Variants in NSG1 observed in about 807,000 individuals in gnomAD.
NSG1 encodes the protein neuronal vesicle trafficking associated 1.
A neutral mutation model predicts 19.3 loss-of-function variants in NSG1; 9 were observed. That is an observed-to-expected ratio of 0.47 (90% CI 0.28 to 0.81). The LOEUF is 0.81. Ranked by LOEUF, NSG1 falls within the 40% of genes least tolerant of loss-of-function variation. The probability of loss-of-function intolerance (pLI) is 0.11; values close to 1 mark genes in which losing one functional copy is unlikely to be tolerated. For synonymous variants in NSG1, 104 were observed against 107.0 expected, an observed-to-expected ratio of 0.97 and a Z score of 0.17; for missense variants, 236 against 242.4, an observed-to-expected ratio of 0.97 and a Z score of 0.18.
chr4:4,401,216 T>C (rs1213417693), intron 3 of NSG1, among the ~76,000 whole-genome samples: 6 of 152,252 alleles, frequency 3.9e-5, no homozygotes, highest in Admixed American at 1.3e-4. Context: ...GACCCTGCTG[T>C]AATACACACA....
intron 3 of NSG1, among the ~76,000 whole-genome samples, chr4:4,392,723 G>A (rs1723062183): frequency 6.6e-6 from 1 of 152,172 alleles, no homozygotes; most frequent in Non-Finnish European, 1.5e-5. Flanking sequence ...CATGAGTGTT[G>A]CTGTGGGGCA....
chr4:4,409,614 C>A lies in NSG1; in HGVS notation c.288C>A (p.Cys96Ter). The A allele has an allele frequency of 6.2e-7, 1 of 1,614,158 alleles. No homozygotes were observed. Among genetic ancestry groups the A allele is most frequent in the Non-Finnish European group, 8.5e-7 (1 of 1,180,018 alleles). Reference protein sequence around the residue: ...LVLFALAFLTCVVFLVVYKVY... With the variant: ...LVLFALAFLT The stretch of plus-strand genomic sequence containing the variant: ...TCTTCGCCCTGGCCTTCCTCACCTG[C>A]GTCGTCTTCCTGGTTGTCTACAAGG... Residue 96 changes from cysteine (C) to a stop codon, truncating the protein, a stop_gained, in exon 4 of 5, where the codon TGC becomes TGA. Coordinates refer to ENST00000621129, the MANE Select transcript of NSG1 (RefSeq NM_014392.5). LOFTEE classifies it high-confidence loss of function.
intron 3 of NSG1, among the ~76,000 whole-genome samples, chr4:4,404,009 GC>G (rs1723712810): frequency 6.6e-6 from 1 of 152,180 alleles, no homozygotes; most frequent in South Asian, 2.1e-4. Flanking sequence ...TTGCTATGCC[GC>G]TATCGCTACT....
chr4:4,393,683 G>T (rs2108727483), intron 3 of NSG1, among the ~76,000 whole-genome samples: 1 of 152,308 alleles, frequency 6.6e-6, no homozygotes, highest in East Asian at 1.9e-4. Flanking sequence ...CCCTGAAGGG[G>T]TGGCATCGGC....
At chr4:4,401,353 G>T (rs1159330975) in intron 3 of NSG1, among the ~76,000 whole-genome samples, 1 of 152,184 alleles carries the variant, frequency 6.6e-6, no homozygotes, top group Non-Finnish European at 1.5e-5. Flanking sequence ...TCTGCTTCCA[G>T]TGTCTTGGTG....
intron 3 of NSG1, among the ~76,000 whole-genome samples, chr4:4,396,786 G>C (rs569898045): frequency 1.3e-5 from 2 of 151,836 alleles, no homozygotes; most frequent in Non-Finnish European, 2.9e-5. Context: ...TAAGCCCCTG[G>C]TGTGTTTCAA....
intron 3 of NSG1, among the ~76,000 whole-genome samples, chr4:4,404,364 G>A (rs1241779430): frequency 6.6e-6 from 1 of 152,198 alleles, no homozygotes; most frequent in Non-Finnish European, 1.5e-5. Flanking sequence ...TGCCAGCCAT[G>A]GGGTCTCCTG....
intron 2 of NSG1, among the ~76,000 whole-genome samples, chr4:4,391,099 G>A (rs1722965527): frequency 6.6e-6 from 1 of 152,194 alleles, no homozygotes; most frequent in African/African-American, 2.4e-5. Flanking sequence ...GAAAAGGCAG[G>A]TGCAGCCTCC....
In NSG1 at chr4:4,402,403, T is replaced by TAG. The variant is rs1300972533; in HGVS notation, c.247-7170_247-7169insAG. Among the ~76,000 whole-genome samples the TAG allele has an allele frequency of 2.6e-4, 17 of 66,200 alleles. 1 individual carries two copies. The highest frequency in any genetic ancestry group is 1.5e-3 in the Admixed American group (7 of 4,530). 43.4% of individuals were successfully genotyped at this position (66,200 alleles called of 152,430 possible). Reference sequence around the variant, plus strand: ...TTTTTTTTTTTTTTTTTTTTTTTTTTTTGAGACGGAGTCTTGCTCTGTCGC... The same window carrying TAG: ...TTTTTTTTTTTTTTTTTTTTTTTTTTAGTTGAGACGGAGTCTTGCTCTGTCGC... On this transcript the variant is annotated intron_variant, in intron 3 of 4. Coordinates refer to ENST00000621129, the MANE Select transcript of NSG1 (RefSeq NM_014392.5).
chr4:4,417,886 G>T lies in NSG1; in HGVS notation c.*451G>T. The T allele has an allele frequency of 4.0e-6, 1 of 249,588 alleles. No individual in the cohort carries two copies. Among genetic ancestry groups the T allele is most frequent in the Non-Finnish European group, 7.8e-6 (1 of 128,476 alleles). 15.5% of individuals were successfully genotyped at this position (249,588 alleles called of 1,614,324 possible). ...CTTCGCATTTCTTCCTCGGCCATCA[G>T]CGGGTAACAGTGCTGACTGCTGCCA... is the stretch of plus-strand genomic sequence containing the variant. On this transcript the variant is annotated 3_prime_UTR_variant, in exon 5 of 5. Transcript: ENST00000621129.
intron 1 of NSG1, 48 bp downstream of exon 1, chr4:4,387,221 C>T: frequency 6.1e-6 from 1 of 164,750 alleles, no homozygotes; most frequent in Non-Finnish European, 1.3e-5. Context: ...AGACCTTGCC[C>T]GCCCAGGAGC....
In NSG1 at chr4:4,409,610, C is replaced by A; in HGVS notation, c.284C>A (p.Thr95Asn). 6.2e-7 allele frequency: 1 copy of A among 1,614,188 alleles called. No homozygotes were observed. The highest frequency in any genetic ancestry group is 8.5e-7 in the Non-Finnish European group (1 of 1,180,028). Reference protein sequence around the residue: ...VLVLFALAFLTCVVFLVVYKV... With the variant: ...VLVLFALAFLNCVVFLVVYKV... ...GTCCTCTTCGCCCTGGCCTTCCTCA[C>A]CTGCGTCGTCTTCCTGGTTGTCTAC... Residue 95 changes from threonine to asparagine, a missense_variant, in exon 4 of 5, where the codon ACC becomes AAC. Thr to Asn is a moderately conservative substitution (Grantham distance 65). Transcript: ENST00000621129.
intron 4 of NSG1, among the ~76,000 whole-genome samples, chr4:4,414,933 G>T (rs1724437391): frequency 6.6e-6 from 1 of 151,568 alleles, no homozygotes; most frequent in African/African-American, 2.4e-5. Context: ...GAGGACACTA[G>T]GTTTCTACCT....
chr4:4,389,716 A>G (rs1722905636), intron 2 of NSG1, among the ~76,000 whole-genome samples: 1 of 152,142 alleles, frequency 6.6e-6, no homozygotes. Flanking sequence ...GGGTGGTGAC[A>G]CAGTTGGGTT....
intron 4 of NSG1, among the ~76,000 whole-genome samples, chr4:4,414,360 TCC>T (rs1292720049): frequency 6.6e-6 from 1 of 151,604 alleles, no homozygotes; most frequent in Admixed American, 6.6e-5. Context: ...GAATTGAGAG[TCC>T]CCTGATAAGT....
chr4:4,416,055 TG>T (rs1221165748), intron 4 of NSG1: 3 of 701,874 alleles, frequency 4.3e-6, no homozygotes, highest in Non-Finnish European at 7.8e-6. Flanking sequence ...CTGTCCACAC[TG>T]TGACCTGGGG....
At chr4:4,412,959 G>A (rs1231128616) in intron 4 of NSG1, among the ~76,000 whole-genome samples, 1 of 152,152 alleles carries the variant, frequency 6.6e-6, no homozygotes, top group Non-Finnish European at 1.5e-5. Context: ...TACGCGATTA[G>A]CAGGAAAGGC....
intron 3 of NSG1, among the ~76,000 whole-genome samples, chr4:4,400,066 A>AT (rs966711615): frequency 2.0e-5 from 3 of 152,082 alleles, no homozygotes; most frequent in African/African-American, 2.4e-5. Context: ...TCACATGAAG[A>AT]TTTTTCCCTT....
intron 4 of NSG1, among the ~76,000 whole-genome samples, chr4:4,411,781 A>ACACAACACAACACAAC (rs1560147744): frequency 1.6e-5 from 2 of 128,978 alleles, no homozygotes; most frequent in South Asian, 2.3e-4. Context: ...AACAAAACAA[A>ACACAACACAACACAAC]ACAAAACAAA....
Sources: gnomAD v4.1 joint callset for allele counts (sites outside exome capture counted in the v4.1 genomes callset) on GRCh38, gnomAD v4.1.1 for gene constraint, MANE v1.5 for transcripts, NCBI Gene and HGNC (gene_info 2026-07-23, HGNC 2026-07-21) for gene names.